Variants in UBE3D observed in about 807,000 individuals in gnomAD.
UBE3D encodes the protein ubiquitin protein ligase E3D.
Under a neutral mutation model 49.6 loss-of-function variants are expected in UBE3D, and 48 were observed. The observed-to-expected ratio is 0.97, with a 90% CI of 0.77 to 1.23. The LOEUF (loss-of-function observed/expected upper bound fraction) is 1.23, where lower values mean the gene tolerates loss of function less well. Ranked by LOEUF, UBE3D falls within the 50% of genes most tolerant of loss-of-function variation. UBE3D has a pLI of 0.00. For missense variants in UBE3D, 452 were observed against 468.4 expected (o/e 0.96, Z 0.32); for synonymous variants, 189 against 174.2 (o/e 1.08, Z -0.67).
intron 9 of UBE3D, among the ~76,000 whole-genome samples, chr6:82,929,116 C>T (rs981411712): frequency 2.6e-5 from 4 of 152,040 alleles, no homozygotes; most frequent in African/African-American, 9.7e-5. Flanking sequence ...AATAATAAAT[C>T]TTTCTTCGGG....
chr6:82,969,282 T>C (rs1457276518), intron 8 of UBE3D, among the ~76,000 whole-genome samples: 2 of 151,994 alleles, frequency 1.3e-5, no homozygotes, highest in Admixed American at 1.3e-4. Flanking sequence ...AGGAAAAACC[T>C]TCCTCTTTTA....
chr6:82,900,933 A>G (rs1771684462), intron 9 of UBE3D, among the ~76,000 whole-genome samples: 1 of 152,204 alleles, frequency 6.6e-6, no homozygotes, highest in Admixed American at 6.5e-5. Flanking sequence ...GCAATTATTG[A>G]AACTTAGAGA....
intron 9 of UBE3D, among the ~76,000 whole-genome samples, chr6:82,934,796 A>G (rs985894888): frequency 6.7e-6 from 1 of 149,852 alleles, no homozygotes; most frequent in Non-Finnish European, 1.5e-5. Context: ...ATGAAAATAT[A>G]TAGCCACTGA....
chr6:82,909,000 C>T (rs756352630), intron 9 of UBE3D, among the ~76,000 whole-genome samples: 21 of 152,150 alleles, frequency 1.4e-4, no homozygotes, highest in Non-Finnish European at 2.2e-4. Context: ...CTTTTCCTGG[C>T]CCCATGGCTC....
In UBE3D at chr6:82,966,672, A is replaced by AC. The variant is rs1467496129; in HGVS notation, c.1011-9223_1011-9222insG. Among the ~76,000 whole-genome samples the AC allele has an allele frequency of 7.9e-5, 12 of 151,344 alleles. No individual in the cohort carries two copies. The East Asian group carries it at 1.6e-3, about 20-fold the overall frequency. The stretch of plus-strand genomic sequence containing the variant: ...CTCAAAAAAAAAAAAAAAAAAAAAA[A>AC]ACCACTGAATTGTACCCTTTAAAAG... On this transcript the variant is annotated intron_variant, in intron 8 of 9. Transcript: ENST00000369747.
intron 9 of UBE3D, among the ~76,000 whole-genome samples, chr6:82,906,060 C>T (rs1162609479): frequency 6.6e-6 from 1 of 152,092 alleles, no homozygotes; most frequent in Non-Finnish European, 1.5e-5. Flanking sequence ...ATGCCATGAT[C>T]ACATTTAAAA....
intron 5 of UBE3D, among the ~76,000 whole-genome samples, chr6:83,024,616 G>C (rs930978672): frequency 6.6e-6 from 1 of 152,140 alleles, no homozygotes; most frequent in Non-Finnish European, 1.5e-5. Context: ...CCCACCGTGA[G>C]ATGGACCTGA....
intron 8 of UBE3D, among the ~76,000 whole-genome samples, chr6:83,014,589 A>G (rs184159740): frequency 1.1e-3 from 164 of 152,254 alleles, no homozygotes; most frequent in African/African-American, 3.8e-3. Flanking sequence ...GAGGACCACA[A>G]TGATGTTTTG....
intron 9 of UBE3D, among the ~76,000 whole-genome samples, chr6:82,951,890 T>C (rs575045951): frequency 4.5e-4 from 69 of 152,264 alleles, no homozygotes; most frequent in Non-Finnish European, 6.9e-4. Flanking sequence ...CTACTTCTTG[T>C]GGAGGTAAGG....
rs535918548 is a variant in UBE3D, at chr6:83,031,016, C to CT, written c.668-6979dup. Among the ~76,000 whole-genome samples the CT allele has an allele frequency of 3.9e-4, 59 of 150,894 alleles. 1 individual carries two copies. Among genetic ancestry groups the CT allele is most frequent in the East Asian group, 3.9e-4 (2 of 5,136 alleles). On this transcript the variant is annotated intron_variant, in intron 5 of 9. Coordinates refer to ENST00000369747, the MANE Select transcript of UBE3D (RefSeq NM_198920.3). ...GGTATCTGGTGGAAGAAATTTCTTC[C>CT]TTTTTTTTTGAAACCGGGTCTCATT...
chr6:82,967,139 C>T (rs1390865981), intron 8 of UBE3D, among the ~76,000 whole-genome samples: 1 of 152,180 alleles, frequency 6.6e-6, no homozygotes, highest in East Asian at 1.9e-4. Flanking sequence ...AATATTTAAA[C>T]CATTTCTTCC....
chr6:82,903,734 C>G (rs1026202752), intron 9 of UBE3D, among the ~76,000 whole-genome samples: 3 of 152,020 alleles, frequency 2.0e-5, no homozygotes, highest in African/African-American at 2.4e-5. Context: ...TTTCTTAAGT[C>G]TATCGTTTGG....
At chr6:82,998,042 T>A (rs540236049) in intron 8 of UBE3D, among the ~76,000 whole-genome samples, 84 of 152,338 alleles carry the variant, frequency 5.5e-4, no homozygotes, top group African/African-American at 1.8e-3. Context: ...GTTGATATTG[T>A]GCAGTGAGGC....
At chr6:82,989,279 A>G (rs1051168125) in intron 8 of UBE3D, among the ~76,000 whole-genome samples, 1 of 152,146 alleles carries the variant, frequency 6.6e-6, no homozygotes, top group Non-Finnish European at 1.5e-5. Flanking sequence ...GAGGCTGTCC[A>G]GATAGCCACT....
At chr6:82,946,338 G>GA (rs1245334815) in intron 9 of UBE3D, among the ~76,000 whole-genome samples, 1 of 152,002 alleles carries the variant, frequency 6.6e-6, no homozygotes, top group Non-Finnish European at 1.5e-5. Flanking sequence ...TTACAGGCCA[G>GA]GAGAGAGTGG....
chr6:82,893,607 A>G (rs1427334762), intron 9 of UBE3D, among the ~76,000 whole-genome samples: 1 of 152,246 alleles, frequency 6.6e-6, no homozygotes, highest in African/African-American at 2.4e-5. Flanking sequence ...TTTTGAAAAC[A>G]GAAACAAACT....
chr6:83,005,414 C>T (rs56777965), intron 8 of UBE3D, among the ~76,000 whole-genome samples: 29 of 151,864 alleles, frequency 1.9e-4, no homozygotes, highest in African/African-American at 5.6e-4. Context: ...CTATAAAAGA[C>T]GGTATGAAGG....
chr6:83,009,904 T>C (rs530570219), intron 8 of UBE3D, among the ~76,000 whole-genome samples: 16 of 151,548 alleles, frequency 1.1e-4, no homozygotes, highest in Middle Eastern at 6.8e-3. Flanking sequence ...TAATACCCTA[T>C]TTTTTTAAGG....
At chr6:82,892,005 A>C (rs1314316918), downstream of UBE3D, among the ~76,000 whole-genome samples, 3 of 137,698 alleles carry the variant, frequency 2.2e-5, no homozygotes, top group Non-Finnish European at 3.1e-5. Context: ...CGAGAGCTAA[A>C]TTCCATCTCA....
Sources: gnomAD v4.1 joint callset for allele counts (sites outside exome capture counted in the v4.1 genomes callset) on GRCh38, gnomAD v4.1.1 for gene constraint, MANE v1.5 for transcripts, NCBI Gene and HGNC (gene_info 2026-07-23, HGNC 2026-07-21) for gene names.